PRKN: variants seen among roughly 807,000 people sequenced by gnomAD.
PRKN encodes parkin RBR E3 ubiquitin protein ligase.
A neutral mutation model predicts 59.5 loss-of-function variants in PRKN; 56 were observed. The ratio of observed to expected loss-of-function variants is 0.94; its 90% CI spans 0.76 to 1.18. The LOEUF (loss-of-function observed/expected upper bound fraction) is 1.18, where lower values mean the gene tolerates loss of function less well. Among genes scored for constraint, PRKN ranks in the 50% most tolerant of loss-of-function variants. PRKN has a pLI of 0.00. For synonymous variants in PRKN, 250 were observed against 222.1 expected (o/e 1.13, Z -1.12); for missense variants, 657 against 596.4 (o/e 1.10, Z -1.06).
At chr6:162,082,749 A>T (rs1229425865) in intron 4 of PRKN, among the ~76,000 whole-genome samples, 14 of 151,962 alleles carry the variant, frequency 9.2e-5, no homozygotes, top group Non-Finnish European at 1.3e-4. Flanking sequence ...TAATTGGCCC[A>T]ATTTTCATGT....
At chr6:161,948,396 A>C (rs1779861191) in intron 6 of PRKN, among the ~76,000 whole-genome samples, 1 of 152,162 alleles carries the variant, frequency 6.6e-6, no homozygotes. Flanking sequence ...GCTTCCTGCC[A>C]CTCACTTTTG....
At chr6:162,114,197 G>A (rs545021084) in intron 4 of PRKN, among the ~76,000 whole-genome samples, 22 of 152,192 alleles carry the variant, frequency 1.4e-4, no homozygotes, top group South Asian at 2.1e-4. Context: ...TGGCGATGCG[G>A]GCTCTTTTTT....
intron 7 of PRKN, among the ~76,000 whole-genome samples, chr6:161,733,923 C>T (rs1787854512): frequency 6.8e-6 from 1 of 147,364 alleles, no homozygotes; most frequent in South Asian, 2.2e-4. Flanking sequence ...CTAATAAATA[C>T]TTTTTAAATG....
rs1306560338 is a variant in PRKN, at chr6:161,397,714, T to C, written c.1084-10837A>G. ...TGCAGAATAAACAAGCAGTAGTAGC[T>C]GGAAAAGCCTCAACTTCTGAGAAGC... On this transcript the variant is annotated intron_variant, in intron 9 of 11. Coordinates refer to ENST00000366898, the MANE Select transcript of PRKN (RefSeq NM_004562.3). This position sits in a 1 kb window ranked among gnomAD's most constrained non-coding sequence, Gnocchi z 4.2. 1.3e-5 allele frequency among the ~76,000 whole-genome samples: 2 copies of C among 152,142 alleles called. No individual in the cohort carries two copies. The highest frequency in any genetic ancestry group is 2.9e-5 in the Non-Finnish European group (2 of 68,044).
intron 2 of PRKN, among the ~76,000 whole-genome samples, chr6:162,357,452 C>G (rs1238945727): frequency 1.3e-5 from 2 of 152,168 alleles, no homozygotes; most frequent in Non-Finnish European, 2.9e-5. Context: ...GTACTGCCCA[C>G]CTAGTTGATG....
At chr6:162,023,178 C>T (rs1783277441) in intron 5 of PRKN, among the ~76,000 whole-genome samples, 1 of 152,004 alleles carries the variant, frequency 6.6e-6, no homozygotes, top group Non-Finnish European at 1.5e-5. Context: ...AGCAGTGTCT[C>T]GGGGTGACTG....
intron 1 of PRKN, among the ~76,000 whole-genome samples, chr6:162,709,116 A>T (rs893485641): frequency 6.6e-6 from 1 of 152,076 alleles, no homozygotes; most frequent in African/African-American, 2.4e-5. Flanking sequence ...GGGACTGTCC[A>T]GTTACAGCAA....
intron 6 of PRKN, among the ~76,000 whole-genome samples, chr6:161,923,204 C>T (rs1015556638): frequency 3.9e-5 from 6 of 152,234 alleles, no homozygotes; most frequent in East Asian, 1.9e-4. Context: ...CAGTTGGGGG[C>T]CAGTGCCGGG....
chr6:162,356,419 T>C (rs1213438088), intron 2 of PRKN, among the ~76,000 whole-genome samples: 1 of 151,976 alleles, frequency 6.6e-6, no homozygotes. Context: ...TATAATACCA[T>C]GGTTTACACC....
At chr6:161,977,542 G>GTTC (rs1781085385) in intron 5 of PRKN, among the ~76,000 whole-genome samples, 1 of 104,522 alleles carries the variant, frequency 9.6e-6, no homozygotes, top group Non-Finnish European at 1.9e-5. Flanking sequence ...TGTTTTTTTG[G>GTTC]TTTTTTTTTT....
At position 162,335,416 on chromosome 6, in the gene PRKN, T is replaced by C. The variant is rs190331391; in HGVS notation, c.172-72651A>G. Among the ~76,000 whole-genome samples the C allele has an allele frequency of 3.6e-3, 552 of 152,282 alleles. 4 individuals carry two copies. Among genetic ancestry groups the C allele is most frequent in the African/African-American group, 0.013 (530 of 41,568 alleles). On this transcript the variant is annotated intron_variant, in intron 2 of 11. Coordinates refer to ENST00000366898, the MANE Select transcript of PRKN (RefSeq NM_004562.3). ...TTACAGTGTAAACATAACTTTTAAATGCAGCGGGAAACCAAAACACTCATG... is the reference window on the plus strand; with the variant it reads ...TTACAGTGTAAACATAACTTTTAAACGCAGCGGGAAACCAAAACACTCATG...
At chr6:162,623,205 G>T (rs1029978519) in intron 1 of PRKN, among the ~76,000 whole-genome samples, 2 of 152,158 alleles carry the variant, frequency 1.3e-5, no homozygotes, top group Non-Finnish European at 2.9e-5. Context: ...ATTTTTGAGA[G>T]AATACATTTT....
rs188497702 is a variant in PRKN at position 161,480,890 on chromosome 6, C to T, written c.1083+67964G>A. On this transcript the variant is annotated intron_variant, in intron 9 of 11. Transcript: ENST00000366898. The surrounding 1 kb of genome is among the most constrained non-coding windows in gnomAD (Gnocchi z 4.1). ...ACCATTTTCATAAGCAGTGTGCTAA[C>T]AACCCATTGGTAACTGGAAAGGAAA... 1.5e-3 allele frequency among the ~76,000 whole-genome samples: 229 copies of T among 152,336 alleles called. 1 individual carries two copies. Among genetic ancestry groups the T allele is most frequent in the Non-Finnish European group, 2.8e-3 (191 of 68,036 alleles).
chr6:162,198,913 T>C (rs1408465529), intron 4 of PRKN, among the ~76,000 whole-genome samples: 1 of 152,142 alleles, frequency 6.6e-6, no homozygotes, highest in African/African-American at 2.4e-5. Flanking sequence ...TACAGGTTGG[T>C]TTTCTTTCTG....
Position 161,518,123 on chromosome 6 carries a change from CCTGGGGATGGGGCCGGGGGCACTCA to C in PRKN, c.1083+30706_1083+30730del, listed in dbSNP as rs1363248674. On this transcript the variant is annotated intron_variant, in intron 9 of 11. Coordinates refer to ENST00000366898, the MANE Select transcript of PRKN (RefSeq NM_004562.3). The surrounding 1 kb of genome is among the most constrained non-coding windows in gnomAD (Gnocchi z 5.0). ...AGATACCTTAGATGAAGGCCACTGGCCTGGGGATGGGGCCGGGGGCACTCACTGCCTCCCTCACTGGCAGCTGGAC... is the reference window on the plus strand; with the variant it reads ...AGATACCTTAGATGAAGGCCACTGGCCTGCCTCCCTCACTGGCAGCTGGAC... Among the ~76,000 whole-genome samples the C allele has an allele frequency of 3.3e-5, 5 of 152,176 alleles. No individual in the cohort carries two copies. Among genetic ancestry groups the C allele is most frequent in the Admixed American group, 1.3e-4 (2 of 15,274 alleles).
At position 161,370,854 on chromosome 6, in the gene PRKN, T is replaced by C. The variant is rs542972117; in HGVS notation, c.1168-10649A>G. 5.3e-5 allele frequency among the ~76,000 whole-genome samples: 8 copies of C among 152,344 alleles called. No individual in the cohort carries two copies. The East Asian group carries it at 9.7e-4, about 18-fold the overall frequency. ...TCAGCTATGAATGCTTTCAGGTGAA[T>C]GACAGCTTTTAAATGTCAGCTTTCT... On this transcript the variant is annotated intron_variant, in intron 10 of 11. Coordinates refer to ENST00000366898, the MANE Select transcript of PRKN (RefSeq NM_004562.3).
chr6:161,627,026 T>A (rs1216092985), intron 7 of PRKN, among the ~76,000 whole-genome samples: 1 of 152,246 alleles, frequency 6.6e-6, no homozygotes, highest in Admixed American at 6.5e-5. Context: ...CCAAATTTTC[T>A]TTAGAAGCTT....
chr6:161,432,152 A>C (rs114363700), intron 9 of PRKN, among the ~76,000 whole-genome samples: 2,039 of 152,316 alleles, frequency 0.013, 55 homozygotes, highest in African/African-American at 0.046. Context: ...CCTTTATTAC[A>C]AATCAAGTAC....
intron 1 of PRKN, among the ~76,000 whole-genome samples, chr6:162,627,133 G>A (rs988228141): frequency 6.6e-6 from 1 of 152,160 alleles, no homozygotes; most frequent in Non-Finnish European, 1.5e-5. Context: ...CAAGGAGGGA[G>A]TAACTAACTA....
Sources: gnomAD v4.1 joint callset for allele counts (sites outside exome capture counted in the v4.1 genomes callset) on GRCh38, gnomAD v4.1.1 for gene constraint, Gnocchi (gnomAD v3.1) non-coding constraint, MANE v1.5 for transcripts, NCBI Gene and HGNC (gene_info 2026-07-23, HGNC 2026-07-21) for gene names.